The following PDZD2 variants were observed in gnomAD, a reference collection of about 807,000 sequenced individuals.
PDZD2 encodes the protein PDZ domain-containing protein 2.
In PDZD2, 90 loss-of-function variants were observed where a neutral mutation model predicts 220.7. That is an observed-to-expected ratio of 0.41 (90% CI 0.34 to 0.49). The LOEUF is 0.49. Among genes scored for constraint, PDZD2 ranks in the 20% least tolerant of loss-of-function variants. PDZD2 has a pLI of 0.28. For missense variants in PDZD2, 3,174 were observed against 3,608.5 expected, an observed-to-expected ratio of 0.88 and a Z score of 3.08; for synonymous variants, 1,375 against 1,450.5, an observed-to-expected ratio of 0.95 and a Z score of 1.18.
intron 1 of PDZD2, among the ~76,000 whole-genome samples, chr5:31,662,866 G>A (rs1745830203): frequency 6.6e-6 from 1 of 152,174 alleles, no homozygotes. Flanking sequence ...TCCTGACCTT[G>A]TGATCCACCC....
At chr5:31,780,157 G>A (rs1215979590) in intron 1 of PDZD2, among the ~76,000 whole-genome samples, 3 of 152,126 alleles carry the variant, frequency 2.0e-5, no homozygotes, top group Admixed American at 1.3e-4. Context: ...AAAGTTTGCA[G>A]AGTGGGAGTT....
At chr5:31,644,530 TG>T in intron 1 of PDZD2, among the ~76,000 whole-genome samples, 1 of 152,310 alleles carries the variant, frequency 6.6e-6, no homozygotes, top group East Asian at 1.9e-4. Context: ...AGCCGAGAGA[TG>T]GTTTGTTAAG....
chr5:32,014,548 C>G (rs1343931394), intron 6 of PDZD2, among the ~76,000 whole-genome samples: 1 of 152,042 alleles, frequency 6.6e-6, no homozygotes, highest in Non-Finnish European at 1.5e-5. Flanking sequence ...CCACGACTCA[C>G]CCCCACTGTC....
chr5:32,107,315 A>C (rs1246629072), intron 24 of PDZD2: 2 of 152,230 alleles, frequency 1.3e-5, no homozygotes, highest in African/African-American at 4.8e-5. Context: ...GATTCTCAGA[A>C]CTTGCATATA....
At position 32,089,102 on chromosome 5, in the gene PDZD2, T is replaced by C. The variant is rs1742815500; in HGVS notation, c.5654T>C (p.Leu1885Pro). The C allele has an allele frequency of 2.5e-6, 4 of 1,614,040 alleles. No homozygotes were observed. The highest frequency in any genetic ancestry group is 3.4e-6 in the Non-Finnish European group (4 of 1,179,998). ...CAGAAGGCAAAGTGTGGTCCGAAGCTGAAGAGGCTCAGCCTCAAGGGCAAG... is the reference window on the plus strand; with the variant it reads ...CAGAAGGCAAAGTGTGGTCCGAAGCCGAAGAGGCTCAGCCTCAAGGGCAAG... Reference protein sequence around the residue: ...NGQKAKCGPKLKRLSLKGKAK... With the variant: ...NGQKAKCGPKPKRLSLKGKAK... Residue 1885 changes from leucine (L) to proline (P), a missense_variant, in exon 20 of 25, where the codon CTG becomes CCG. Leu to Pro is a moderately conservative substitution (Grantham distance 98, BLOSUM62 -3). Coordinates refer to ENST00000438447, the MANE Select transcript of PDZD2 (RefSeq NM_178140.4).
intron 5 of PDZD2, among the ~76,000 whole-genome samples, chr5:32,007,894 G>A (rs74612107): frequency 0.022 from 3,297 of 152,206 alleles, 80 homozygotes; most frequent in Admixed American, 0.058. Context: ...TTTGCAGCAA[G>A]GCCTTCATGA....
intron 10 of PDZD2, among the ~76,000 whole-genome samples, 173 bp from the exon 11 acceptor site, chr5:32,057,482 T>C (rs1269420600): frequency 6.6e-6 from 1 of 152,252 alleles, no homozygotes; most frequent in African/African-American, 2.4e-5. Context: ...ATATGTGTTG[T>C]CATTAATTGT....
intron 2 of PDZD2, among the ~76,000 whole-genome samples, chr5:31,870,496 TG>T (rs1738688424): frequency 6.6e-6 from 1 of 152,142 alleles, no homozygotes; most frequent in South Asian, 2.1e-4. Context: ...AGGAAGAGGG[TG>T]GTTTAAAAAA....
In PDZD2 at chr5:31,995,643, G is replaced by C. The variant is rs1751566819; in HGVS notation, c.1046G>C (p.Ser349Thr). The C allele has an allele frequency of 1.9e-6, 3 of 1,614,014 alleles. No individual in the cohort carries two copies. Among genetic ancestry groups the C allele is most frequent in the Non-Finnish European group, 2.5e-6 (3 of 1,180,018 alleles). Reference protein sequence around the residue: ...KESDGLGIQVSGGRGSKRSPH... With the variant: ...KESDGLGIQVTGGRGSKRSPH... Reference sequence around the variant, plus strand: ...TCGGATGGGCTGGGAATTCAGGTTAGTGGAGGCCGAGGATCAAAGCGCTCA... The same window carrying C: ...TCGGATGGGCTGGGAATTCAGGTTACTGGAGGCCGAGGATCAAAGCGCTCA... Residue 349 changes from serine to threonine, a missense_variant, in exon 4 of 25, where the codon AGT (serine) becomes ACT (threonine). Coordinates refer to ENST00000438447, the MANE Select transcript of PDZD2 (RefSeq NM_178140.4).
chr5:31,752,073 G>GTTTTTTT (rs3032803), intron 1 of PDZD2, among the ~76,000 whole-genome samples: 2 of 95,070 alleles, frequency 2.1e-5, no homozygotes, highest in East Asian at 3.1e-4. Flanking sequence ...TTTTGGGTTT[G>GTTTTTTT]TTTTTTTTTT....
intron 1 of PDZD2, among the ~76,000 whole-genome samples, chr5:31,649,207 T>C (rs565121283): frequency 6.6e-6 from 1 of 152,160 alleles, no homozygotes; most frequent in African/African-American, 2.4e-5. Context: ...ACAAGTCGTA[T>C]CACTCCCTGG....
chr5:31,881,044 C>A (rs1301148810), intron 2 of PDZD2, among the ~76,000 whole-genome samples: 1 of 151,780 alleles, frequency 6.6e-6, no homozygotes, highest in Non-Finnish European at 1.5e-5. Flanking sequence ...TTGTGATACG[C>A]CCGCCTAGGC....
chr5:31,975,806 T>TTTTTTTC (rs1749707049), intron 2 of PDZD2, among the ~76,000 whole-genome samples: 1 of 32,852 alleles, frequency 3.0e-5, no homozygotes, highest in Non-Finnish European at 6.0e-5. Flanking sequence ...TTTTTTTATT[T>TTTTTTTC]ATTTTTTTTT....
At chr5:31,771,942 T>C (rs906277296) in intron 1 of PDZD2, among the ~76,000 whole-genome samples, 1 of 152,182 alleles carries the variant, frequency 6.6e-6, no homozygotes, top group Admixed American at 6.6e-5. Context: ...ACTGGAACCC[T>C]TTCTTAAACT....
rs762883909 is a variant in PDZD2 at position 32,087,441 on chromosome 5, G to A, written c.3993G>A (p.Glu1331=). Residue 1331 remains glutamate (E), a synonymous_variant, in exon 20 of 25, where the codon GAG becomes GAA. Transcript: ENST00000438447. This position sits in a 1 kb window ranked among gnomAD's most constrained non-coding sequence, Gnocchi z 4.0. ...AALRGAGPGA[E]GMTPAGAVLP... Reference sequence around the variant, plus strand: ...TCAGGGGAGCGGGACCTGGAGCAGAGGGAATGACACCAGCTGGTGCTGTCC... The same window carrying A: ...TCAGGGGAGCGGGACCTGGAGCAGAAGGAATGACACCAGCTGGTGCTGTCC... 1.9e-6 allele frequency: 3 copies of A among 1,614,114 alleles called. No individual in the cohort carries two copies. Among genetic ancestry groups the A allele is most frequent in the Non-Finnish European group, 2.5e-6 (3 of 1,179,976 alleles).
intron 1 of PDZD2, among the ~76,000 whole-genome samples, chr5:31,777,546 C>A (rs946407876): frequency 2.0e-5 from 3 of 152,270 alleles, no homozygotes; most frequent in Admixed American, 6.5e-5. Context: ...TTATGGCCCC[C>A]ACGCGGGATC....
At chr5:31,923,852 C>G (rs968431161) in intron 2 of PDZD2, among the ~76,000 whole-genome samples, 1 of 152,136 alleles carries the variant, frequency 6.6e-6, no homozygotes, top group Non-Finnish European at 1.5e-5. Context: ...TTGACCACTT[C>G]GGCACACTGG....
At chr5:31,695,027 G>A (rs1011201776) in intron 1 of PDZD2, among the ~76,000 whole-genome samples, 1 of 151,940 alleles carries the variant, frequency 6.6e-6, no homozygotes, top group East Asian at 1.9e-4. Context: ...AGGAGGCTGC[G>A]GCAGGAGAAT....
intron 2 of PDZD2, among the ~76,000 whole-genome samples, chr5:31,852,458 G>A (rs1758114564): frequency 6.6e-6 from 1 of 151,306 alleles, no homozygotes; most frequent in South Asian, 2.1e-4. Context: ...GCTGATTTTT[G>A]TATTTTTAAT....
Sources: allele counts gnomAD v4.1 joint callset (sites outside exome capture counted in the v4.1 genomes callset), GRCh38; gene constraint gnomAD v4.1.1; non-coding constraint Gnocchi (gnomAD v3.1); transcripts MANE v1.5; gene names NCBI Gene and HGNC (gene_info 2026-07-23, HGNC 2026-07-21).